SLC26A8: variants seen among roughly 807,000 people sequenced by gnomAD.
SLC26A8 encodes the protein testis anion transporter 1.
A neutral mutation model predicts 105.0 loss-of-function variants in SLC26A8; 70 were observed. The observed-to-expected ratio is 0.67, with a 90% CI of 0.55 to 0.81. The LOEUF (loss-of-function observed/expected upper bound fraction) is 0.81. SLC26A8 is among the 40% of genes least tolerant of loss of function. The pLI is 0.00. For synonymous variants in SLC26A8, 415 were observed against 438.3 expected (o/e 0.95, Z 0.66); for missense variants, 998 against 1,181.8 (o/e 0.84, Z 2.28).
Position 35,955,414 on chromosome 6 carries a change from G to A in SLC26A8, c.1970C>T (p.Ser657Phe), listed in dbSNP as rs754115798. The A allele has an allele frequency of 2.2e-5, 35 of 1,614,058 alleles. No homozygotes were observed. The highest frequency in any genetic ancestry group is 1.6e-4 in the Middle Eastern group (1 of 6,084). The change falls in exon 17 of 20, where the codon TCC (serine) becomes TTC (phenylalanine). Residue 657 changes from serine to phenylalanine, a missense_variant. Coordinates refer to ENST00000490799, the MANE Select transcript of SLC26A8 (RefSeq NM_052961.4). The stretch of plus-strand genomic sequence containing the variant: ...TACTGTGTATGGCACTTGGTCTTCG[G>A]ATGCAGTTTGGCTTGTGTTCATGCT... ...FESMNTSQTASEDQVPYTVSS... is the reference protein window; with the variant it reads ...FESMNTSQTAFEDQVPYTVSS...
rs114153657 is a variant in SLC26A8 at position 35,951,210 on chromosome 6, C to G, written c.2425G>C (p.Asp809His). The G allele has an allele frequency of 1.2e-6, 2 of 1,612,516 alleles. No individual in the cohort carries two copies. Among genetic ancestry groups the G allele is most frequent in the African/African-American group, 1.3e-5 (1 of 74,648 alleles). The change falls in exon 19 of 20, where the codon GAT becomes CAT. Residue 809 changes from aspartate (D) to histidine (H), a missense_variant. Physicochemically the swap from Asp to His is moderately conservative, Grantham distance 81. Coordinates refer to ENST00000490799, the MANE Select transcript of SLC26A8 (RefSeq NM_052961.4). ...TCCCGTATCACTGTCTCGGATTCAT[C>G]GATGCTTAACTCAGAGGAGCCTATG... is the stretch of plus-strand genomic sequence containing the variant. ...KVIGSSELSI[D>H]ESETVIRETY...
chr6:35,975,417 A>G lies in SLC26A8; in HGVS notation c.1245T>C (p.Ile415=). 6.2e-7 allele frequency: 1 copy of G among 1,613,698 alleles called. No individual in the cohort carries two copies. The highest frequency in any genetic ancestry group is 8.5e-7 in the Non-Finnish European group (1 of 1,179,718). ...FFRSCVFTGA[I]ARTIIQDKSG... is the part of the protein sequence containing the mutation. Reference sequence around the variant, plus strand: ...ATTTATCCTGGATAATAGTCCTAGCAATAGCACCAGTAAACACACAAGATC... The same window carrying G: ...ATTTATCCTGGATAATAGTCCTAGCGATAGCACCAGTAAACACACAAGATC... The change falls in exon 10 of 20, where the codon ATT becomes ATC. Residue 415 remains isoleucine (I), a synonymous_variant. Transcript: ENST00000490799.
intron 3 of SLC26A8, among the ~76,000 whole-genome samples, chr6:36,002,408 T>G (rs1761549579): frequency 6.6e-6 from 1 of 152,192 alleles, no homozygotes; most frequent in African/African-American, 2.4e-5. Context: ...TTTCAACTTC[T>G]GGGGCATTTA....
intron 17 of SLC26A8, among the ~76,000 whole-genome samples, chr6:35,953,864 C>T (rs1186648281): frequency 6.6e-6 from 1 of 152,100 alleles, no homozygotes; most frequent in Non-Finnish European, 1.5e-5. Flanking sequence ...TCCTTTTGCC[C>T]CAGACCAAAG....
chr6:36,020,284 T>C (rs533152605), intron 1 of SLC26A8, among the ~76,000 whole-genome samples: 2 of 152,230 alleles, frequency 1.3e-5, no homozygotes, highest in African/African-American at 2.4e-5. Flanking sequence ...CTATTCACAG[T>C]TGCAGCCCCA....
chr6:36,009,551 G>A (rs1458015704), intron 3 of SLC26A8, among the ~76,000 whole-genome samples: 1 of 152,082 alleles, frequency 6.6e-6, no homozygotes, highest in African/African-American at 2.4e-5. Context: ...ACAACAATCT[G>A]GATGAATCAC....
At position 35,977,405 on chromosome 6, in the gene SLC26A8, C is replaced by G. The variant is rs985137166; in HGVS notation, c.1026-54G>C. 5 of 1,550,544 alleles carry G rather than the reference C, an allele frequency of 3.2e-6. No homozygotes were observed. The African/African-American group carries it at 5.5e-5, about 17-fold the overall frequency. On this transcript the variant is annotated intron_variant, in intron 8 of 19. Transcript: ENST00000490799. The stretch of plus-strand genomic sequence containing the variant: ...GATAGCAGGAATCCTTTCTTGGTAC[C>G]TCCGCCACTCTATTCTAACACTGGG...
chr6:35,971,204 T>C (rs931074018), intron 10 of SLC26A8, among the ~76,000 whole-genome samples: 1 of 152,308 alleles, frequency 6.6e-6, no homozygotes, highest in African/African-American at 2.4e-5. Flanking sequence ...CCATCTTCTG[T>C]GGCATTGCGC....
At chr6:35,968,632 T>TATATATAC (rs1772644215) in intron 11 of SLC26A8, among the ~76,000 whole-genome samples, 1 of 95,422 alleles carries the variant, frequency 1.0e-5, no homozygotes, top group Non-Finnish European at 1.9e-5. Flanking sequence ...TATATATATA[T>TATATATAC]ATATATATAT....
In SLC26A8 at chr6:35,960,884, G is replaced by T; in HGVS notation, c.1597C>A (p.Pro533Thr). The T allele has an allele frequency of 6.2e-7, 1 of 1,614,134 alleles. No homozygotes were observed. The highest frequency in any genetic ancestry group is 8.5e-7 in the Non-Finnish European group (1 of 1,180,034). Residue 533 changes from proline (P) to threonine (T), a missense_variant, in exon 14 of 20, where the codon CCT (proline) becomes ACT (threonine). By Grantham distance (38) the Pro-to-Thr change is conservative. Coordinates refer to ENST00000490799, the MANE Select transcript of SLC26A8 (RefSeq NM_052961.4). ...ATGCTTCTATAAATGTTGGTGTTAG[G>T]GATTTGACCCAGGAGAAGAATCTTA... ...RAKILLLGQI[P>T]NTNIYRSIND...
chr6:35,944,370 C>T, intron 19 of SLC26A8, 30 bp from the exon 20 acceptor site: 1 of 1,505,758 alleles, frequency 6.6e-7, no homozygotes, highest in Non-Finnish European at 9.2e-7. Context: ...GTTAAAATTT[C>T]TAATTAAATT....
rs1375463469 is a variant in SLC26A8 at position 35,955,471 on chromosome 6, G to C, written c.1913C>G (p.Ser638Cys). The C allele has an allele frequency of 6.2e-7, 1 of 1,614,188 alleles. No homozygotes were observed. The highest frequency in any genetic ancestry group is 1.7e-5 in the Admixed American group (1 of 60,018). ...FENKLDPEAS[S>C]INLIHCSHFE... ...ATGTGAGCAGTGAATCAGGTTAATG[G>C]AGGATGCTTCGGGATCCAGTTTATT... The change falls in exon 17 of 20, where the codon TCC (serine) becomes TGC (cysteine). Residue 638 changes from serine (S) to cysteine (C), a missense_variant. Coordinates refer to ENST00000490799, the MANE Select transcript of SLC26A8 (RefSeq NM_052961.4).
chr6:36,006,244 C>T (rs1761680758), intron 3 of SLC26A8, among the ~76,000 whole-genome samples: 1 of 152,018 alleles, frequency 6.6e-6, no homozygotes, highest in Non-Finnish European at 1.5e-5. Flanking sequence ...CTTAGCCTCC[C>T]GAGTAGCTGG....
rs150249512 is a variant in SLC26A8, at chr6:35,944,119, G to A, written c.2694C>T (p.Thr898=). The A allele has an allele frequency of 5.9e-5, 96 of 1,613,942 alleles. No homozygotes were observed. In the African/African-American group the frequency reaches 7.5e-4, roughly 13 times the overall value. ...PKAETETKTQ[T]EMEPQPETEP... ...CAGTCTCAGGCTGGGGCTCCATCTC[G>A]GTCTGGGTCTTGGTCTCGGTCTCAG... The change falls in exon 20 of 20, where the codon ACC becomes ACT. Residue 898 remains threonine (T), a synonymous_variant. Coordinates refer to ENST00000490799, the MANE Select transcript of SLC26A8 (RefSeq NM_052961.4).
intron 12 of SLC26A8, 77 bp from the exon 13 acceptor site, chr6:35,961,176 A>G: frequency 3.6e-6 from 4 of 1,119,894 alleles, no homozygotes; most frequent in Non-Finnish European, 5.3e-6. Flanking sequence ...CTGTTTCTCA[A>G]CTCACCTTCA....
In SLC26A8 at chr6:35,976,780, G is replaced by A. The variant is rs994082034; in HGVS notation, c.1173+424C>T. Among the ~76,000 whole-genome samples the A allele has an allele frequency of 3.3e-5, 5 of 151,726 alleles. 1 individual carries two copies. Among genetic ancestry groups the A allele is most frequent in the African/African-American group, 7.3e-5 (3 of 41,246 alleles). On this transcript the variant is annotated intron_variant, in intron 9 of 19. Transcript: ENST00000490799. The stretch of plus-strand genomic sequence containing the variant: ...AGGATGGTCTTGATCTCCTGACCTC[G>A]TGATCCACCTGCCTTGGCCTCCCAA...
At chr6:36,018,069 T>C (rs1389902590) in intron 2 of SLC26A8, among the ~76,000 whole-genome samples, 1 of 152,208 alleles carries the variant, frequency 6.6e-6, no homozygotes, top group East Asian at 1.9e-4. Context: ...AATTGTACAT[T>C]GCCAGTGAAA....
At chr6:36,011,019 T>C (rs553038366) in intron 3 of SLC26A8, among the ~76,000 whole-genome samples, 1 of 152,346 alleles carries the variant, frequency 6.6e-6, no homozygotes, top group South Asian at 2.1e-4. Context: ...CTTGACCTCT[T>C]TTGTGCTATC....
chr6:35,988,303 T>A (rs1773612845), intron 7 of SLC26A8, among the ~76,000 whole-genome samples: 1 of 152,214 alleles, frequency 6.6e-6, no homozygotes, highest in Non-Finnish European at 1.5e-5. Flanking sequence ...ATGTTAATTA[T>A]AACTGTAAAA....
Sources: gnomAD v4.1 joint callset for allele counts (sites outside exome capture counted in the v4.1 genomes callset) on GRCh38, gnomAD v4.1.1 for gene constraint, MANE v1.5 for transcripts, NCBI Gene and HGNC (gene_info 2026-07-23, HGNC 2026-07-21) for gene names.